LSM1: variants seen among roughly 807,000 people sequenced by gnomAD.
The protein encoded by LSM1 is LSM1 homolog, mRNA degradation associated.
LSM1 carries 13 observed loss-of-function variants against 18.0 expected under a neutral mutation model. The ratio of observed to expected loss-of-function variants is 0.72; its 90% CI spans 0.47 to 1.15. The LOEUF (loss-of-function observed/expected upper bound fraction) is 1.15, where lower values mean the gene tolerates loss of function less well. LSM1 is among the 50% of genes most tolerant of loss of function. The probability of loss-of-function intolerance (pLI) is 0.00; values close to 1 mark genes in which losing one functional copy is unlikely to be tolerated. For synonymous variants in LSM1, 46 were observed against 56.0 expected, an observed-to-expected ratio of 0.82 and a Z score of 0.80; for missense variants, 152 against 157.7, an observed-to-expected ratio of 0.96 and a Z score of 0.19.
rs368341544 is a variant in LSM1, at chr8:38,169,864, C to A, written c.169G>T (p.Gly57Cys). Residue 57 changes from glycine to cysteine, a missense_variant, in exon 3 of 4, where the codon GGT (glycine) becomes TGT (cysteine). By Grantham distance (159) the Gly-to-Cys change is radical (BLOSUM62 -3). Coordinates refer to ENST00000311351, the MANE Select transcript of LSM1 (RefSeq NM_014462.3). ...VERIHVGKKY[G>C]DIPRGIFVVR... is the part of the protein sequence containing the mutation. ...ACAAAAATCCCTCGAGGAATATCAC[C>A]GTATTTTTTGCCCACATGAATACGC... 2 of 1,613,834 alleles carry A rather than the reference C, an allele frequency of 1.2e-6. No individual in the cohort carries two copies. Among genetic ancestry groups the A allele is most frequent in the Non-Finnish European group, 1.7e-6 (2 of 1,179,942 alleles).
At chr8:38,170,677 G>A (rs7823144) in intron 2 of LSM1, among the ~76,000 whole-genome samples, 24,830 of 152,026 alleles carry the variant, frequency 0.16, 2,753 homozygotes, top group African/African-American at 0.3. Flanking sequence ...GGATTCATTT[G>A]ACCCAACGCA....
intron 2 of LSM1, among the ~76,000 whole-genome samples, chr8:38,170,649 ACTTT>A: frequency 1.3e-5 from 2 of 152,256 alleles, no homozygotes; most frequent in South Asian, 4.1e-4. Flanking sequence ...TGAAGATTCA[ACTTT>A]CTTTTAGTAA....
intron 2 of LSM1, among the ~76,000 whole-genome samples, chr8:38,171,463 T>C (rs1433300907): frequency 6.6e-6 from 1 of 152,150 alleles, no homozygotes; most frequent in Non-Finnish European, 1.5e-5. Context: ...GGTCAGGAGT[T>C]TGAAACCAGC....
upstream of LSM1, chr8:38,176,525 C>A (rs1803150661): frequency 5.2e-6 from 3 of 579,666 alleles, no homozygotes; most frequent in South Asian, 6.9e-5. Flanking sequence ...CACGTGTGGG[C>A]CCCCAGGAAG....
At chr8:38,170,222 C>T (rs1474759145) in intron 2 of LSM1, among the ~76,000 whole-genome samples, 3 of 152,048 alleles carry the variant, frequency 2.0e-5, no homozygotes, top group Non-Finnish European at 2.9e-5. Context: ...GTATTTTTAG[C>T]AGAGACAGGG....
chr8:38,163,561 CTT>C lies in LSM1; in HGVS notation c.*107_*108del, dbSNP rs1802877090. On this transcript the variant is annotated 3_prime_UTR_variant, in exon 4 of 4. Coordinates refer to ENST00000311351, the MANE Select transcript of LSM1 (RefSeq NM_014462.3). ...GTAAAATAATTAAAAATAAAAGTGA[CTT>C]TTCAAAACTCTACAGTCTGTGATCA... 1 of 938,344 alleles carries C rather than the reference CTT, an allele frequency of 1.1e-6. No homozygotes were observed. The highest frequency in any genetic ancestry group is 1.6e-6 in the Non-Finnish European group (1 of 642,216). The allele number at this position is 938,344 out of a possible 1,614,324, so 58.1% of individuals were successfully genotyped here. A position where few individuals can be genotyped will look rare whatever the true frequency, so the allele number is the denominator to read the frequency against.
At chr8:38,169,156 T>G (rs1169905705) in intron 3 of LSM1, among the ~76,000 whole-genome samples, 2 of 152,142 alleles carry the variant, frequency 1.3e-5, no homozygotes, top group African/African-American at 4.8e-5. Flanking sequence ...ATCAAAGGTT[T>G]TAAATAAGAT....
chr8:38,175,614 C>G (rs1803120094), intron 1 of LSM1, among the ~76,000 whole-genome samples: 1 of 146,800 alleles, frequency 6.8e-6, no homozygotes, highest in South Asian at 2.1e-4. Flanking sequence ...CTCTTCCGGA[C>G]AAAAACCAGG....
At chr8:38,167,868 G>GTGAGCCCA in intron 3 of LSM1, among the ~76,000 whole-genome samples, 1 of 152,002 alleles carries the variant, frequency 6.6e-6, no homozygotes, top group African/African-American at 2.4e-5. Context: ...GGGCAACATA[G>GTGAGCCCA]TGAGACCCCA....
chr8:38,167,328 TA>T (rs562058382), intron 3 of LSM1, among the ~76,000 whole-genome samples: 82 of 152,350 alleles, frequency 5.4e-4, no homozygotes, highest in Non-Finnish European at 1.0e-3. Context: ...TTTACTACTA[TA>T]AAACAGAAGC....
intron 3 of LSM1, among the ~76,000 whole-genome samples, chr8:38,168,789 T>C (rs1802980214): frequency 6.6e-6 from 1 of 152,050 alleles, no homozygotes; most frequent in African/African-American, 2.4e-5. Context: ...TATTCATATA[T>C]TTCATATACT....
At chr8:38,175,149 C>T (rs1473439158) in intron 1 of LSM1, among the ~76,000 whole-genome samples, 1 of 145,376 alleles carries the variant, frequency 6.9e-6, no homozygotes, top group Non-Finnish European at 1.5e-5. Context: ...GGTGCGATCT[C>T]GGCTCACTGC....
At chr8:38,170,017 A>G in intron 2 of LSM1, 100 bp from the exon 3 acceptor site, 2 of 605,758 alleles carry the variant, frequency 3.3e-6, no homozygotes, top group South Asian at 2.3e-5. Flanking sequence ...TTAGGTAAAC[A>G]TGATTTCCAA....
chr8:38,168,456 T>C (rs1018782230), intron 3 of LSM1, among the ~76,000 whole-genome samples: 5 of 151,112 alleles, frequency 3.3e-5, no homozygotes, highest in African/African-American at 9.7e-5. Context: ...CTGGGCTTGG[T>C]TGCGGGCACC....
At chr8:38,175,365 GC>G (rs1463781701) in intron 1 of LSM1, among the ~76,000 whole-genome samples, 3 of 152,138 alleles carry the variant, frequency 2.0e-5, no homozygotes, top group Admixed American at 6.5e-5. Context: ...ACCGCGCCAG[GC>G]CCGTAAAATG....
At chr8:38,172,258 G>A (rs1191501255) in intron 1 of LSM1, among the ~76,000 whole-genome samples, 2 of 151,538 alleles carry the variant, frequency 1.3e-5, no homozygotes, top group Non-Finnish European at 2.9e-5. Context: ...AGGACAGGGC[G>A]TGGCACCAGG....
chr8:38,174,852 G>A (rs1803092698), intron 1 of LSM1, among the ~76,000 whole-genome samples: 1 of 151,478 alleles, frequency 6.6e-6, no homozygotes, highest in South Asian at 2.1e-4. Context: ...GCGAAACCTC[G>A]TCTCTACCAA....
intron 3 of LSM1, among the ~76,000 whole-genome samples, chr8:38,168,575 G>A: frequency 7.2e-6 from 1 of 139,446 alleles, no homozygotes; most frequent in Non-Finnish European, 1.5e-5. Context: ...TGGGCAACAG[G>A]AGCAAAACTC....
At chr8:38,174,462 T>C (rs147432282) in intron 1 of LSM1, among the ~76,000 whole-genome samples, 41 of 152,082 alleles carry the variant, frequency 2.7e-4, no homozygotes, top group Middle Eastern at 3.4e-3. Context: ...AAAGGGTGCA[T>C]ATCAAATGGC....
Sources: gnomAD v4.1 joint callset for allele counts (sites outside exome capture counted in the v4.1 genomes callset) on GRCh38, gnomAD v4.1.1 for gene constraint, MANE v1.5 for transcripts, NCBI Gene and HGNC (gene_info 2026-07-23, HGNC 2026-07-21) for gene names.